CIMIP7: variants seen among roughly 807,000 people sequenced by gnomAD.
CIMIP7 encodes ciliary microtubule inner protein 7, also known as uncharacterized protein C3orf84.
At chr3:49,181,095 A>T in the CIMIP7 span, among the ~76,000 whole-genome samples, 1 of 151,970 alleles carries the variant, frequency 6.6e-6, no homozygotes, top group Non-Finnish European at 1.5e-5. Context: ...TAATCCCAGC[A>T]GTTTGGGAGG....
chr3:49,182,187 G>A, the CIMIP7 span, among the ~76,000 whole-genome samples: 1 of 152,236 alleles, frequency 6.6e-6, no homozygotes, highest in Non-Finnish European at 1.5e-5. Flanking sequence ...AGCCTCCACA[G>A]CGTGGAAGGG....
the CIMIP7 span, among the ~76,000 whole-genome samples, chr3:49,182,849 A>G: frequency 6.6e-6 from 1 of 152,222 alleles, no homozygotes; most frequent in African/African-American, 2.4e-5. Context: ...AATTCAGCAC[A>G]GCAGCTGCTG....
the CIMIP7 span, among the ~76,000 whole-genome samples, chr3:49,186,682 C>T: frequency 1.3e-5 from 2 of 152,206 alleles, no homozygotes; most frequent in Admixed American, 6.5e-5. Context: ...GGATAACAGG[C>T]GTGAGCCACC....
the CIMIP7 span, among the ~76,000 whole-genome samples, chr3:49,183,502 T>C: frequency 6.6e-6 from 1 of 152,128 alleles, no homozygotes; most frequent in Admixed American, 6.6e-5. Flanking sequence ...GCCAATATGG[T>C]GAAACCCTGT....
At chr3:49,191,448 A>G in the CIMIP7 span, among the ~76,000 whole-genome samples, 2 of 152,164 alleles carry the variant, frequency 1.3e-5, no homozygotes, top group Non-Finnish European at 2.9e-5. Flanking sequence ...GAGCAGCCAA[A>G]CTCCAAAAGC....
chr3:49,188,353 T>G, the CIMIP7 span, among the ~76,000 whole-genome samples: 9 of 152,212 alleles, frequency 5.9e-5, no homozygotes, highest in Non-Finnish European at 1.3e-4. Flanking sequence ...GTACCTGTTT[T>G]AGGCACCCCT....
chr3:49,185,583 C>CA, the CIMIP7 span, among the ~76,000 whole-genome samples: 1 of 151,660 alleles, frequency 6.6e-6, no homozygotes, highest in African/African-American at 2.4e-5. Flanking sequence ...AAAAAAACAA[C>CA]AAAAAAACCA....
the CIMIP7 span, among the ~76,000 whole-genome samples, chr3:49,183,280 A>T: frequency 1.1e-4 from 17 of 152,380 alleles, no homozygotes; most frequent in Non-Finnish European, 1.9e-4. Flanking sequence ...AATGGAGACA[A>T]CATCAGGTAT....
At chr3:49,178,005 C>G in the CIMIP7 span, 1 of 1,611,538 alleles carries the variant, frequency 6.2e-7, no homozygotes, top group African/African-American at 1.3e-5. Flanking sequence ...GCCACAGGCG[C>G]TCCAGGTCCT....
the CIMIP7 span, among the ~76,000 whole-genome samples, chr3:49,185,271 A>G: frequency 6.6e-6 from 1 of 151,176 alleles, no homozygotes; most frequent in Non-Finnish European, 1.5e-5. Flanking sequence ...AAAGAAAAAA[A>G]AAAATTACAT....
At chr3:49,180,774 C>CA in the CIMIP7 span, among the ~76,000 whole-genome samples, 18 of 151,582 alleles carry the variant, frequency 1.2e-4, no homozygotes, top group Non-Finnish European at 1.8e-4. Flanking sequence ...ACTAAAAATA[C>CA]AAAAAATGTG....
the CIMIP7 span, among the ~76,000 whole-genome samples, chr3:49,181,970 G>A: frequency 3.3e-5 from 5 of 152,126 alleles, no homozygotes; most frequent in Non-Finnish European, 5.9e-5. Flanking sequence ...CGCTGGCTCA[G>A]GAGTGAAGCT....
the CIMIP7 span, chr3:49,178,030 C>T: frequency 6.2e-7 from 1 of 1,605,642 alleles, no homozygotes; most frequent in Non-Finnish European, 8.5e-7. Context: ...CCTTCCGATT[C>T]CCTGCAGCAG....
the CIMIP7 span, among the ~76,000 whole-genome samples, chr3:49,188,958 C>T: frequency 6.6e-6 from 1 of 151,242 alleles, no homozygotes. Context: ...ATCACCATGC[C>T]CGGTTATTTT....
chr3:49,186,683 G>A, the CIMIP7 span, among the ~76,000 whole-genome samples: 2 of 152,288 alleles, frequency 1.3e-5, no homozygotes, highest in Admixed American at 6.5e-5. Flanking sequence ...GATAACAGGC[G>A]TGAGCCACCG....
At chr3:49,181,343 G>GAA in the CIMIP7 span, among the ~76,000 whole-genome samples, 12 of 126,668 alleles carry the variant, frequency 9.5e-5, no homozygotes, top group African/African-American at 2.7e-4. Context: ...CTATCTCCAA[G>GAA]AAAAAAAAAA....
the CIMIP7 span, among the ~76,000 whole-genome samples, chr3:49,181,293 G>T: frequency 4.1e-5 from 6 of 145,616 alleles, no homozygotes; most frequent in Non-Finnish European, 7.5e-5. Context: ...AGTGAGCCGA[G>T]ATCTCACCAC....
the CIMIP7 span, chr3:49,189,878 G>T: frequency 1.3e-6 from 1 of 768,226 alleles, no homozygotes. Context: ...GTAGGGGAAA[G>T]ATCTGACATC....
At chr3:49,178,100 C>T in the CIMIP7 span, 5 of 1,493,776 alleles carry the variant, frequency 3.3e-6, no homozygotes, top group African/African-American at 2.8e-5. Flanking sequence ...CACCAAGCAC[C>T]TTCTTGGGCC....
Sources: allele counts gnomAD v4.1 joint callset (sites outside exome capture counted in the v4.1 genomes callset), GRCh38; gene constraint gnomAD v4.1.1; transcripts MANE v1.5; gene names NCBI Gene and HGNC (gene_info 2026-07-23, HGNC 2026-07-21).